Variants in TMCO5A observed in about 807,000 individuals in gnomAD.
TMCO5A encodes transmembrane and coiled-coil domains 5A.
Under a neutral mutation model 42.3 loss-of-function variants are expected in TMCO5A, and 34 were observed. The observed-to-expected ratio is 0.80, with a 90% CI of 0.61 to 1.07. TMCO5A has a LOEUF of 1.07. Ranked by LOEUF, TMCO5A falls within the 50% of genes least tolerant of loss-of-function variation. The pLI is 0.00. For missense variants in TMCO5A, 357 were observed against 327.9 expected (o/e 1.09, Z -0.69); for synonymous variants, 131 against 115.6 (o/e 1.13, Z -0.86).
At chr15:37,951,616 C>A (rs139902090), downstream of TMCO5A, 207 of 165,012 alleles carry the variant, frequency 1.3e-3, no homozygotes, top group African/African-American at 4.8e-3. Flanking sequence ...TATAAGTGAC[C>A]TTAGCTTAAG....
At chr15:37,947,917 T>G (rs1366981556) in intron 11 of TMCO5A, among the ~76,000 whole-genome samples, 1 of 152,136 alleles carries the variant, frequency 6.6e-6, no homozygotes, top group African/African-American at 2.4e-5. Context: ...CTTTCCATTA[T>G]TAAAAATCAA....
the TMCO5A span, among the ~76,000 whole-genome samples, chr15:37,973,160 T>TA: frequency 6.6e-6 from 1 of 151,164 alleles, no homozygotes; most frequent in Non-Finnish European, 1.5e-5. Flanking sequence ...TTTTTTCCTT[T>TA]TTTTTTTTTG....
exon 12 of TMCO5A, chr15:37,966,942 G>A (rs1488312496): frequency 2.3e-6 from 1 of 426,984 alleles, no homozygotes; most frequent in African/African-American, 2.0e-5. Flanking sequence ...CCACTAAAAG[G>A]GGCTCAGTGC....
At chr15:38,011,261 A>AGC in the TMCO5A span, among the ~76,000 whole-genome samples, 1 of 152,176 alleles carries the variant, frequency 6.6e-6, no homozygotes, top group African/African-American at 2.4e-5. Context: ...TCAGTGCTGC[A>AGC]TAATAGTAGA....
the TMCO5A span, among the ~76,000 whole-genome samples, chr15:38,036,494 T>TCACA: frequency 1.5e-3 from 198 of 135,612 alleles, no homozygotes; most frequent in African/African-American, 5.9e-3. Context: ...TCTCTCTCTC[T>TCACA]CTCACACACA....
At chr15:37,959,332 G>A (rs1340636734) in intron 11 of TMCO5A, among the ~76,000 whole-genome samples, 1 of 151,756 alleles carries the variant, frequency 6.6e-6, no homozygotes, top group African/African-American at 2.4e-5. Context: ...AGGAGAGGAG[G>A]GAATACTTCC....
intron 6 of TMCO5A, 62 bp downstream of exon 6, chr15:37,938,291 G>T: frequency 7.2e-7 from 1 of 1,390,316 alleles, no homozygotes; most frequent in Non-Finnish European, 9.9e-7. Flanking sequence ...AAGCTGTTAA[G>T]TTGGAAATCA....
At chr15:37,984,647 T>C in the TMCO5A span, 1 of 150,630 alleles carries the variant, frequency 6.6e-6, no homozygotes, top group South Asian at 2.1e-4. Flanking sequence ...AGGTGATTAA[T>C]GTCCTTAAAA....
At chr15:38,031,663 C>G in the TMCO5A span, among the ~76,000 whole-genome samples, 1 of 152,176 alleles carries the variant, frequency 6.6e-6, no homozygotes, top group Non-Finnish European at 1.5e-5. Flanking sequence ...CTTCAAATTA[C>G]TACAGCCCCA....
the TMCO5A span, among the ~76,000 whole-genome samples, chr15:38,015,191 G>A: frequency 6.6e-6 from 1 of 151,746 alleles, no homozygotes; most frequent in African/African-American, 2.4e-5. Flanking sequence ...AATCTCTTTT[G>A]GCAACACCCT....
At chr15:38,002,504 T>C in the TMCO5A span, among the ~76,000 whole-genome samples, 1 of 152,252 alleles carries the variant, frequency 6.6e-6, no homozygotes, top group Admixed American at 6.5e-5. Context: ...GAGACTATTT[T>C]CTAGATCTTG....
chr15:38,006,571 C>G, the TMCO5A span, among the ~76,000 whole-genome samples: 2 of 152,182 alleles, frequency 1.3e-5, no homozygotes, highest in African/African-American at 4.8e-5. Flanking sequence ...CACTGAGAAG[C>G]ATTCAGTCCA....
chr15:37,978,249 C>T, the TMCO5A span, among the ~76,000 whole-genome samples: 8,385 of 152,270 alleles, frequency 0.055, 284 homozygotes, highest in East Asian at 0.11. Context: ...GTAACTGTGG[C>T]GTGCTGGAGC....
chr15:38,026,785 C>G, the TMCO5A span, among the ~76,000 whole-genome samples: 1 of 152,180 alleles, frequency 6.6e-6, no homozygotes, highest in Non-Finnish European at 1.5e-5. Flanking sequence ...GGACTTGTTG[C>G]CCTGCATCCC....
chr15:37,939,949 G>A (rs1889674416), intron 6 of TMCO5A, among the ~76,000 whole-genome samples: 1 of 151,996 alleles, frequency 6.6e-6, no homozygotes, highest in Non-Finnish European at 1.5e-5. Flanking sequence ...GAACAGCAGA[G>A]CTGAAAAGGG....
the TMCO5A span, among the ~76,000 whole-genome samples, chr15:37,996,038 C>T: frequency 6.6e-6 from 1 of 152,194 alleles, no homozygotes; most frequent in African/African-American, 2.4e-5. Context: ...TGCAAATAAG[C>T]ACCTAAAATA....
the TMCO5A span, among the ~76,000 whole-genome samples, chr15:38,003,961 T>G: frequency 6.6e-6 from 1 of 152,012 alleles, no homozygotes; most frequent in Non-Finnish European, 1.5e-5. Context: ...CTTCTTTCCT[T>G]AAGCAAAAGG....
At chr15:38,026,085 C>G in the TMCO5A span, among the ~76,000 whole-genome samples, 1 of 151,968 alleles carries the variant, frequency 6.6e-6, no homozygotes, top group Non-Finnish European at 1.5e-5. Flanking sequence ...TAAAATGGTA[C>G]CAGTGGAGTG....
chr15:37,989,051 T>C, the TMCO5A span, among the ~76,000 whole-genome samples: 1 of 152,048 alleles, frequency 6.6e-6, no homozygotes, highest in South Asian at 2.1e-4. Flanking sequence ...TAATTCTTCA[T>C]GCTTCAGTCT....
Sources: allele counts gnomAD v4.1 joint callset (sites outside exome capture counted in the v4.1 genomes callset), GRCh38; gene constraint gnomAD v4.1.1; transcripts MANE v1.5; gene names NCBI Gene and HGNC (gene_info 2026-07-23, HGNC 2026-07-21).